MPC2: variants seen among roughly 807,000 people sequenced by gnomAD.
The protein encoded by MPC2 is brain protein 44.
A neutral mutation model predicts 19.2 loss-of-function variants in MPC2; 19 were observed. The ratio of observed to expected loss-of-function variants is 0.99; its 90% CI spans 0.69 to 1.45. MPC2 has a LOEUF of 1.45. Among genes scored for constraint, MPC2 ranks in the 40% most tolerant of loss-of-function variants. The pLI is 0.00. For synonymous variants in MPC2, 61 were observed against 54.3 expected, an observed-to-expected ratio of 1.12 and a Z score of -0.54; for missense variants, 122 against 153.0, an observed-to-expected ratio of 0.80 and a Z score of 1.07.
chr1:167,918,330 T>A lies in MPC2; in HGVS notation c.377A>T (p.His126Leu). Residue 126 changes from histidine (H) to leucine (L), a missense_variant, in exon 6 of 6, where the codon CAC (histidine) becomes CTC (leucine). His to Leu is a moderately conservative substitution (Grantham distance 99). Coordinates refer to ENST00000271373, the MANE Select transcript of MPC2 (RefSeq NM_001143674.4). ...RYNQELKAKA[H>L]K The stretch of plus-strand genomic sequence containing the variant: ...AGGTGATCAGGAACTCTTTTATTTG[T>A]GTGCTTTAGCTTTTAGTTCTTGGTT... 1 of 1,568,540 alleles carries A rather than the reference T, an allele frequency of 6.4e-7. No individual in the cohort carries two copies. The highest frequency in any genetic ancestry group is 8.8e-7 in the Non-Finnish European group (1 of 1,141,708).
At chr1:167,923,257 T>C (rs1210348200) in intron 3 of MPC2, among the ~76,000 whole-genome samples, 1 of 152,206 alleles carries the variant, frequency 6.6e-6, no homozygotes, top group Non-Finnish European at 1.5e-5. Flanking sequence ...ATGTTCATGG[T>C]AGCATTATTC....
At position 167,925,764 on chromosome 1, in the gene MPC2, G is replaced by T. The variant is rs879388152; in HGVS notation, c.110-1227C>A. On this transcript the variant is annotated intron_variant, in intron 2 of 5. Transcript: ENST00000271373. ...GGGTTTCACCATGTTGGCCAGGCTGGTCTCAAACTCCTGACCTTGTGATCT... is the reference window on the plus strand; with the variant it reads ...GGGTTTCACCATGTTGGCCAGGCTGTTCTCAAACTCCTGACCTTGTGATCT... Among the ~76,000 whole-genome samples the T allele has an allele frequency of 1.1e-4, 16 of 151,654 alleles. No individual in the cohort carries two copies. In the East Asian group the frequency reaches 3.1e-3, roughly 29 times the overall value.
chr1:167,932,831 A>G (rs1186853214), intron 2 of MPC2, among the ~76,000 whole-genome samples: 1 of 151,704 alleles, frequency 6.6e-6, no homozygotes, highest in Non-Finnish European at 1.5e-5. Flanking sequence ...AAAAAAAGAA[A>G]AGAAAAGAAA....
intron 2 of MPC2, among the ~76,000 whole-genome samples, chr1:167,925,678 C>T (rs1486690867): frequency 2.0e-5 from 3 of 151,234 alleles, no homozygotes; most frequent in Non-Finnish European, 4.4e-5. Flanking sequence ...TCCCAAGTAG[C>T]TGGGATTACA....
At chr1:167,931,057 G>C (rs563266611) in intron 2 of MPC2, among the ~76,000 whole-genome samples, 2 of 152,308 alleles carry the variant, frequency 1.3e-5, no homozygotes, top group African/African-American at 4.8e-5. Context: ...TCACCCTCCA[G>C]AGTAGCTGGG....
At chr1:167,925,442 C>CATATATATATAT (rs369657697) in intron 2 of MPC2, among the ~76,000 whole-genome samples, 1,247 of 82,222 alleles carry the variant, frequency 0.015, 22 homozygotes, top group South Asian at 0.033. Context: ...TACATATACA[C>CATATATATATAT]ATATATATAT....
intron 3 of MPC2, among the ~76,000 whole-genome samples, chr1:167,921,149 T>G (rs935411958): frequency 2.4e-4 from 37 of 152,188 alleles, no homozygotes; most frequent in African/African-American, 8.4e-4. Context: ...TGTGTGATGC[T>G]GAGGTTTGGG....
intron 2 of MPC2, among the ~76,000 whole-genome samples, chr1:167,932,284 T>C (rs1394431398): frequency 1.3e-5 from 2 of 152,100 alleles, no homozygotes; most frequent in Admixed American, 6.5e-5. Context: ...ATAAATTATA[T>C]AGAATTACTG....
chr1:167,925,442 CATATATATAT>C (rs369657697), intron 2 of MPC2, among the ~76,000 whole-genome samples: 1,464 of 82,494 alleles, frequency 0.018, 37 homozygotes, highest in Non-Finnish European at 0.021. Context: ...TACATATACA[CATATATATAT>C]ATATATATAT....
chr1:167,922,724 A>AT (rs1377173554), intron 3 of MPC2, among the ~76,000 whole-genome samples: 1 of 152,170 alleles, frequency 6.6e-6, no homozygotes, highest in Non-Finnish European at 1.5e-5. Context: ...AGGCCATAAG[A>AT]TTGAGTCATA....
At chr1:167,925,949 G>A in intron 2 of MPC2, among the ~76,000 whole-genome samples, 1 of 152,166 alleles carries the variant, frequency 6.6e-6, no homozygotes, top group East Asian at 1.9e-4. Flanking sequence ...TTTAAAATAT[G>A]TTTGCTGATT....
chr1:167,935,956 C>T lies in MPC2; in HGVS notation c.-57-58G>A, dbSNP rs900113676. On this transcript the variant is annotated intron_variant, in intron 1 of 5. Coordinates refer to ENST00000271373, the MANE Select transcript of MPC2 (RefSeq NM_001143674.4). ...GCCACGACGACTCGCGTCCGCCTCTCGCCTGGAGTACCCTTCCCGCGGCTT... is the reference window on the plus strand; with the variant it reads ...GCCACGACGACTCGCGTCCGCCTCTTGCCTGGAGTACCCTTCCCGCGGCTT... 8 of 772,808 alleles carry T rather than the reference C, an allele frequency of 1.0e-5. No individual in the cohort carries two copies. In the East Asian group the frequency reaches 2.2e-4, roughly 21 times the overall value. The allele number at this position is 772,808 out of a possible 1,614,324, so 47.9% of individuals were successfully genotyped here.
At chr1:167,931,741 T>C (rs1424746151) in intron 2 of MPC2, among the ~76,000 whole-genome samples, 1 of 152,124 alleles carries the variant, frequency 6.6e-6, no homozygotes, top group Admixed American at 6.5e-5. Flanking sequence ...ATATTTGCAC[T>C]AAGTTGTATT....
At chr1:167,936,719 C>T in intron 1 of MPC2, 1 of 589,538 alleles carries the variant, frequency 1.7e-6, no homozygotes. Flanking sequence ...GAGTATGAGG[C>T]GAGCTCCGGC....
Position 167,916,897 on chromosome 1 carries a change from C to G in MPC2, c.*1426G>C, listed in dbSNP as rs1394399825. 1 of 152,190 alleles carries G rather than the reference C, an allele frequency of 6.6e-6. No homozygotes were observed. The highest frequency in any genetic ancestry group is 1.5e-5 in the Non-Finnish European group (1 of 68,042). 9.4% of individuals were successfully genotyped at this position (152,190 alleles called of 1,614,324 possible). A position where few individuals can be genotyped will look rare whatever the true frequency, so the allele number is the denominator to read the frequency against. ...CAATAATAGTTTGACTCTTCAGAAC[C>G]TCTTCATTGTGGCCTATGTCAAGCT... On this transcript the variant is annotated 3_prime_UTR_variant, in exon 6 of 6. Transcript: ENST00000271373.
At chr1:167,925,093 C>T (rs1240763708) in intron 2 of MPC2, among the ~76,000 whole-genome samples, 1 of 152,140 alleles carries the variant, frequency 6.6e-6, no homozygotes, top group Non-Finnish European at 1.5e-5. Flanking sequence ...GGTAATGCTA[C>T]ACATTCTGTC....
chr1:167,924,302 A>G lies in MPC2; in HGVS notation c.150+195T>C, dbSNP rs112801264. On this transcript the variant is annotated intron_variant, in intron 3 of 5. Transcript: ENST00000271373. ...TATGTTCCCAGAAGGCCTCTTATCT[A>G]AAGAGTTCAGAAAAACTAAAGTAGA... 1.3e-3 allele frequency: 530 copies of G among 420,902 alleles called. 1 individual carries two copies. Among genetic ancestry groups the G allele is most frequent in the African/African-American group, 0.01 (487 of 48,084 alleles). 26.1% of individuals were successfully genotyped at this position (420,902 alleles called of 1,614,324 possible).
rs771341294 is a variant in MPC2, at chr1:167,920,079, A to G, written c.247T>C (p.Ser83Pro). The G allele has an allele frequency of 6.2e-7, 1 of 1,606,324 alleles. No homozygotes were observed. Among genetic ancestry groups the G allele is most frequent in the South Asian group, 1.1e-5 (1 of 89,896 alleles). ...GGAATAATTACAAGTGAGTATCTTG[A>G]CCAAATAAACCCTGTTGAAACAAAA... ...AVLMATGFIWSRYSLVIIPKN... is the reference protein window; with the variant it reads ...AVLMATGFIWPRYSLVIIPKN... The change falls in exon 5 of 6, where the codon TCA (serine) becomes CCA (proline). Residue 83 changes from serine (S) to proline (P), a missense_variant. Transcript: ENST00000271373.
chr1:167,926,222 T>C (rs1359820241), intron 2 of MPC2, among the ~76,000 whole-genome samples: 1 of 152,228 alleles, frequency 6.6e-6, no homozygotes, highest in Non-Finnish European at 1.5e-5. Flanking sequence ...CTAAAAACAG[T>C]GCTGAAACAG....
Sources: allele counts gnomAD v4.1 joint callset (sites outside exome capture counted in the v4.1 genomes callset), GRCh38; gene constraint gnomAD v4.1.1; transcripts MANE v1.5; gene names NCBI Gene and HGNC (gene_info 2026-07-23, HGNC 2026-07-21).